The following EXTL1 variants were observed in gnomAD, a reference collection of about 807,000 sequenced individuals.
EXTL1 encodes the protein exostosin like glycosyltransferase 1, also known as exostosin-like 1.
A neutral mutation model predicts 64.6 loss-of-function variants in EXTL1; 43 were observed. The observed-to-expected ratio is 0.67, with a 90% confidence interval of 0.52 to 0.86. The LOEUF (loss-of-function observed/expected upper bound fraction) is 0.86, where lower values mean the gene tolerates loss of function less well. EXTL1 is among the 40% of genes least tolerant of loss of function. EXTL1 has a pLI of 0.00. For missense variants in EXTL1, 766 were observed against 879.0 expected (o/e 0.87, Z 1.62); for synonymous variants, 352 against 360.5 (o/e 0.98, Z 0.27).
Position 26,022,957 on chromosome 1 carries a change from T to C in EXTL1, c.311T>C (p.Val104Ala), listed in dbSNP as rs767324393. ...CTTAAGGTATTCGTGTACCCAGCGG[T>C]TGGAACCATCTCTGAGACTCATCGC... ...DGLKVFVYPA[V>A]GTISETHRRI... Residue 104 changes from valine to alanine, a missense_variant, in exon 1 of 11, where the codon GTT (valine) becomes GCT (alanine). Val to Ala is a moderately conservative substitution (Grantham distance 64). Transcript: ENST00000374280. 6.2e-7 allele frequency: 1 copy of C among 1,614,138 alleles called. No homozygotes were observed. Among genetic ancestry groups the C allele is most frequent in the Non-Finnish European group, 8.5e-7 (1 of 1,180,022 alleles).
At position 26,025,735 on chromosome 1, in the gene EXTL1, C is replaced by T. The variant is rs996324347; in HGVS notation, c.779+2310C>T. 2.6e-5 allele frequency among the ~76,000 whole-genome samples: 4 copies of T among 152,216 alleles called. No homozygotes were observed. The highest frequency in any genetic ancestry group is 4.8e-5 in the African/African-American group (2 of 41,456). ...AAGCCTCCCTTCTATCCCTGTCTCTCGGCCACCCGGTTTTCCTGCCTGGAG... is the reference window on the plus strand; with the variant it reads ...AAGCCTCCCTTCTATCCCTGTCTCTTGGCCACCCGGTTTTCCTGCCTGGAG... On this transcript the variant is annotated intron_variant, in intron 1 of 10. Transcript: ENST00000374280. This position sits in a 1 kb window ranked among gnomAD's most constrained non-coding sequence, Gnocchi z 5.3.
At chr1:26,023,855 AGGCCACC>A (rs1324733358) in intron 1 of EXTL1, among the ~76,000 whole-genome samples, 1 of 152,190 alleles carries the variant, frequency 6.6e-6, no homozygotes, top group Non-Finnish European at 1.5e-5. Context: ...AATTTTTCTC[AGGCCACC>A]CAGCCGGAAA....
At position 26,035,740 on chromosome 1, in the gene EXTL1, A is replaced by G. The variant is rs889879965; in HGVS notation, c.*393A>G. ...CGCGGTTCCCGCACGGTCAGGCCCCAGGACTGGCTTGCGAGCCCCGGGGGG... is the reference window on the plus strand; with the variant it reads ...CGCGGTTCCCGCACGGTCAGGCCCCGGGACTGGCTTGCGAGCCCCGGGGGG... On this transcript the variant is annotated 3_prime_UTR_variant, in exon 11 of 11. Coordinates refer to ENST00000374280, the MANE Select transcript of EXTL1 (RefSeq NM_004455.3). The surrounding 1 kb of genome is among the most constrained non-coding windows in gnomAD (Gnocchi z 5.3). 4.3e-5 allele frequency: 8 copies of G among 188,108 alleles called. No individual in the cohort carries two copies. The highest frequency in any genetic ancestry group is 7.6e-5 in the Non-Finnish European group (7 of 91,956). The allele number at this position is 188,108 out of a possible 1,614,324, so 11.7% of individuals were successfully genotyped here.
rs1356293585 is a variant in EXTL1, at chr1:26,033,913, C to G, written c.1679+57C>G. ...GTATCAGAGGACCAGAGACCCCACC[C>G]CCACCCCGAACGGAGCAGAGTGGCC... On this transcript the variant is annotated intron_variant, in intron 9 of 10. Coordinates refer to ENST00000374280, the MANE Select transcript of EXTL1 (RefSeq NM_004455.3). The surrounding 1 kb of genome is among the most constrained non-coding windows in gnomAD (Gnocchi z 5.1). The G allele has an allele frequency of 2.0e-6, 3 of 1,522,820 alleles. No individual in the cohort carries two copies. The highest frequency in any genetic ancestry group is 2.7e-6 in the Non-Finnish European group (3 of 1,126,030). The allele number at this position is 1,522,820 out of a possible 1,614,324, so 94.3% of individuals were successfully genotyped here.
At position 26,035,245 on chromosome 1, in the gene EXTL1, C is replaced by T; in HGVS notation, c.1929C>T (p.Gly643=). 1 of 1,613,628 alleles carries T rather than the reference C, an allele frequency of 6.2e-7. No individual in the cohort carries two copies. The highest frequency in any genetic ancestry group is 8.5e-7 in the Non-Finnish European group (1 of 1,179,930). Residue 643 remains glycine, a synonymous_variant, in exon 11 of 11, where the codon GGC becomes GGT. Coordinates refer to ENST00000374280, the MANE Select transcript of EXTL1 (RefSeq NM_004455.3). This position sits in a 1 kb window ranked among gnomAD's most constrained non-coding sequence, Gnocchi z 5.3. ...TCAACCAGATAGCGGCAGCGTTCGG[C>T]CACATGCCCTTGCTGTCCTCTCGTC... ...DCINQIAAAF[G]HMPLLSSRLR...
rs1038639807 is a variant in EXTL1 at position 26,033,536 on chromosome 1, T to C, written c.1519-160T>C. On this transcript the variant is annotated intron_variant, in intron 8 of 10. Coordinates refer to ENST00000374280, the MANE Select transcript of EXTL1 (RefSeq NM_004455.3). This position sits in a 1 kb window ranked among gnomAD's most constrained non-coding sequence, Gnocchi z 5.1. ...ATTGTTTTTGTGGCCCCTGGAAGCT[T>C]TCATGCCACACTTCCAGCCAATTCC... Among the ~76,000 whole-genome samples the C allele has an allele frequency of 6.6e-6, 1 of 152,174 alleles. No individual in the cohort carries two copies. The highest frequency in any genetic ancestry group is 2.4e-5 in the African/African-American group (1 of 41,444).
intron 1 of EXTL1, among the ~76,000 whole-genome samples, chr1:26,028,134 G>A (rs768070497): frequency 2.0e-5 from 3 of 152,206 alleles, no homozygotes; most frequent in Admixed American, 6.5e-5. Flanking sequence ...ACTTAAGCAT[G>A]GAGGGAGGAC....
At position 26,022,906 on chromosome 1, in the gene EXTL1, A is replaced by T; in HGVS notation, c.260A>T (p.Asp87Val). ...AGCTGCAACTGGGAATCTTGCTTTG[A>T]TACCTCAAAGTGCAGGGGCGATGGC... ...GGSCNWESCF[D>V]TSKCRGDGLK... is the part of the protein sequence containing the mutation. Residue 87 changes from aspartate (D) to valine (V), a missense_variant, in exon 1 of 11, where the codon GAT (aspartate) becomes GTT (valine). This residue lies in a region of EXTL1 where 571 missense variants were observed against 647.6 expected (regional missense o/e 0.88). Transcript: ENST00000374280. 6.2e-7 allele frequency: 1 copy of T among 1,614,076 alleles called. No homozygotes were observed. The highest frequency in any genetic ancestry group is 8.5e-7 in the Non-Finnish European group (1 of 1,180,012).
At position 26,023,044 on chromosome 1, in the gene EXTL1, T is replaced by C. The variant is rs1177265868; in HGVS notation, c.398T>C (p.Leu133Pro). 1.3e-6 allele frequency: 2 copies of C among 1,592,370 alleles called. No homozygotes were observed. Among genetic ancestry groups the C allele is most frequent in the Non-Finnish European group, 1.7e-6 (2 of 1,164,848 alleles). Reference protein sequence around the residue: ...FYTFSPAGACLLLLLSLDAQT... With the variant: ...FYTFSPAGACPLLLLSLDAQT... ...ACATTCAGCCCTGCTGGGGCCTGCC[T>C]CCTCCTCCTCCTCAGCCTGGACGCC... is the stretch of plus-strand genomic sequence containing the variant. The change falls in exon 1 of 11, where the codon CTC (leucine) becomes CCC (proline). Residue 133 changes from leucine to proline, a missense_variant. Transcript: ENST00000374280.
At position 26,035,287 on chromosome 1, in the gene EXTL1, G is replaced by T; in HGVS notation, c.1971G>T (p.Val657=). Residue 657 remains valine (V), a synonymous_variant, in exon 11 of 11, where the codon GTG becomes GTT. Coordinates refer to ENST00000374280, the MANE Select transcript of EXTL1 (RefSeq NM_004455.3). The surrounding 1 kb of genome is among the most constrained non-coding windows in gnomAD (Gnocchi z 5.3). ...LLSSRLRLDP[V]LFKDPVSVQR... is the part of the protein sequence containing the mutation. ...CCTCTCGTCTGCGTCTGGACCCGGT[G>T]CTGTTTAAGGACCCGGTGTCCGTGC... is the stretch of plus-strand genomic sequence containing the variant. 6.2e-7 allele frequency: 1 copy of T among 1,613,548 alleles called. No individual in the cohort carries two copies. The highest frequency in any genetic ancestry group is 8.5e-7 in the Non-Finnish European group (1 of 1,179,900).
In EXTL1 at chr1:26,024,499, G is replaced by A. The variant is rs565703037; in HGVS notation, c.779+1074G>A. Among the ~76,000 whole-genome samples, 39 of 152,122 alleles carry A rather than the reference G, an allele frequency of 2.6e-4. 1 individual carries two copies. Among genetic ancestry groups the A allele is most frequent in the Middle Eastern group, 6.8e-3 (2 of 294 alleles). ...ATTCTTGCCTCTGCTTGGGGCTCCC[G>A]GGACTTCTCTCGGCCAAAGGGCTCT... On this transcript the variant is annotated intron_variant, in intron 1 of 10. Transcript: ENST00000374280.
Position 26,023,301 on chromosome 1 carries a change from A to T in EXTL1, c.655A>T (p.Ser219Cys). ...GGCTCCTGGCCAGCTGCGGCAACAC[A>T]GCCCCCAGCCCGGGGTAGCCCTGCT... ...GGAPGQLRQH[S>C]PQPGVALLAL... The change falls in exon 1 of 11, where the codon AGC (serine) becomes TGC (cysteine). Residue 219 changes from serine to cysteine, a missense_variant. This residue lies in a region of EXTL1 where 571 missense variants were observed against 647.6 expected (regional missense o/e 0.88). Transcript: ENST00000374280. The T allele has an allele frequency of 6.4e-7, 1 of 1,564,016 alleles. No individual in the cohort carries two copies. The highest frequency in any genetic ancestry group is 1.2e-5 in the South Asian group (1 of 83,468).
At position 26,035,523 on chromosome 1, in the gene EXTL1, T is replaced by C; in HGVS notation, c.*176T>C. On this transcript the variant is annotated 3_prime_UTR_variant, in exon 11 of 11. Coordinates refer to ENST00000374280, the MANE Select transcript of EXTL1 (RefSeq NM_004455.3). The surrounding 1 kb of genome is among the most constrained non-coding windows in gnomAD (Gnocchi z 5.3). ...AGGGGGGCGTGGCCTTACCTTCTCC[T>C]GCTCGCCCTCAGCCGCGGAGCCTCT... 2.0e-6 allele frequency: 1 copy of C among 493,102 alleles called. No individual in the cohort carries two copies. Among genetic ancestry groups the C allele is most frequent in the East Asian group, 3.1e-5 (1 of 31,834 alleles). The allele number at this position is 493,102 out of a possible 1,614,324, so 30.5% of individuals were successfully genotyped here.
chr1:26,023,302 GCCCCCA>G lies in EXTL1; in HGVS notation c.657_662del (p.Ser219_Gln221delinsArg). ...GCTCCTGGCCAGCTGCGGCAACACA[GCCCCCA>G]GCCCGGGGTAGCCCTGCTAGCCCTG... On this transcript the variant is annotated inframe_deletion, in exon 1 of 11. Transcript: ENST00000374280. The G allele has an allele frequency of 6.4e-7, 1 of 1,564,304 alleles. No homozygotes were observed. Among genetic ancestry groups the G allele is most frequent in the Non-Finnish European group, 8.7e-7 (1 of 1,151,748 alleles).
intron 1 of EXTL1, among the ~76,000 whole-genome samples, chr1:26,024,113 C>A (rs1173746485): frequency 6.6e-6 from 1 of 152,174 alleles, no homozygotes; most frequent in Non-Finnish European, 1.5e-5. Context: ...AGGCCCTTGA[C>A]ATATATAAGG....
chr1:26,032,424 C>T lies in EXTL1; in HGVS notation c.1370C>T (p.Pro457Leu). 6.4e-7 allele frequency: 1 copy of T among 1,556,596 alleles called. No homozygotes were observed. Among genetic ancestry groups the T allele is most frequent in the Non-Finnish European group, 8.7e-7 (1 of 1,149,578 alleles). Residue 457 changes from proline to leucine, a missense_variant, in exon 7 of 11, where the codon CCA becomes CTA. Pro to Leu is a moderately conservative substitution (Grantham distance 98). Transcript: ENST00000374280. ...QILVLWSNER[P>L]LPSRWPETAV... Reference sequence around the variant, plus strand: ...TTGGTTCTCTGGAGCAATGAGAGGCCACTCCCATCCAGGTGGCCGGAGACA... The same window carrying T: ...TTGGTTCTCTGGAGCAATGAGAGGCTACTCCCATCCAGGTGGCCGGAGACA...
In EXTL1 at chr1:26,030,577, C is replaced by T. The variant is rs1254881333; in HGVS notation, c.1083C>T (p.Val361=). ...CCTACTTCTCCTCAGTGGAGAAGGT[C>T]ATCCATACCACTCTGGAGGTGAGGG... ...WDAYFSSVEK[V]IHTTLEVIQD... Residue 361 remains valine, a synonymous_variant, in exon 4 of 11, where the codon GTC becomes GTT. Transcript: ENST00000374280. 1 of 1,612,926 alleles carries T rather than the reference C, an allele frequency of 6.2e-7. No individual in the cohort carries two copies. Among genetic ancestry groups the T allele is most frequent in the Non-Finnish European group, 8.5e-7 (1 of 1,179,384 alleles).
In EXTL1 at chr1:26,022,106, C is replaced by G. The variant is rs2050156715; in HGVS notation, c.-541C>G. ...GCCCAGAAGCGTCTGCCAGCGGGCA[C>G]AGGGGCAGCCAGGGCTGCTCAGGCA... On this transcript the variant is annotated 5_prime_UTR_variant, in exon 1 of 11. Transcript: ENST00000374280. 1 of 153,088 alleles carries G rather than the reference C, an allele frequency of 6.5e-6. No individual in the cohort carries two copies. Among genetic ancestry groups the G allele is most frequent in the Non-Finnish European group, 1.5e-5 (1 of 68,736 alleles). 9.5% of individuals were successfully genotyped at this position (153,088 alleles called of 1,614,324 possible).
At position 26,031,229 on chromosome 1, in the gene EXTL1, G is replaced by A. The variant is rs769580227; in HGVS notation, c.1199G>A (p.Ser400Asn). ...ALLALSTFST[S>N]PQDFPFYYLQ... ...CTGGCCCTGTCTACTTTTTCCACAA[G>A]CCCCCAGGACTTCCCCTTCTACTAC... is the stretch of plus-strand genomic sequence containing the variant. The change falls in exon 5 of 11, where the codon AGC becomes AAC. Residue 400 changes from serine (S) to asparagine (N), a missense_variant. Around this residue, in one of 3 missense-constraint regions of EXTL1, gnomAD observed 571 missense variants for 647.6 expected, o/e 0.88. Coordinates refer to ENST00000374280, the MANE Select transcript of EXTL1 (RefSeq NM_004455.3). 1.9e-6 allele frequency: 3 copies of A among 1,613,970 alleles called. No individual in the cohort carries two copies. In the South Asian group the frequency reaches 3.3e-5, roughly 18 times the overall value.
Sources: allele counts gnomAD v4.1 joint callset (sites outside exome capture counted in the v4.1 genomes callset), GRCh38; gene constraint gnomAD v4.1.1; regional missense constraint gnomAD v4.1.1; non-coding constraint Gnocchi (gnomAD v3.1); transcripts MANE v1.5; gene names NCBI Gene and HGNC (gene_info 2026-07-23, HGNC 2026-07-21).